RAB10: variants seen among roughly 807,000 people sequenced by gnomAD.
The protein encoded by RAB10 is RAB10, member RAS oncogene family, also known as ras-related protein Rab-10.
In RAB10, 5 loss-of-function variants were observed where a neutral mutation model predicts 25.7. The observed-to-expected ratio is 0.19, with a 90% confidence interval of 0.10 to 0.41. RAB10 has a LOEUF of 0.41. Ranked by LOEUF, RAB10 falls within the 10% of genes least tolerant of loss-of-function variation. The pLI is 1.00. For synonymous variants in RAB10, 89 were observed against 86.4 expected, an observed-to-expected ratio of 1.03 and a Z score of -0.16; for missense variants, 103 against 245.8, an observed-to-expected ratio of 0.42 and a Z score of 3.89.
intron 1 of RAB10, among the ~76,000 whole-genome samples, chr2:26,049,822 A>G (rs1024921984): frequency 1.3e-5 from 2 of 152,202 alleles, no homozygotes; most frequent in African/African-American, 2.4e-5. Flanking sequence ...GTAGCCTACT[A>G]TATTTCCTTT....
chr2:26,116,768 G>C (rs940431648), intron 3 of RAB10, among the ~76,000 whole-genome samples: 6 of 151,930 alleles, frequency 3.9e-5, no homozygotes, highest in African/African-American at 7.2e-5. Flanking sequence ...GTGTTAGCCA[G>C]GATGGTCTCG....
intron 1 of RAB10, among the ~76,000 whole-genome samples, chr2:26,080,763 G>A (rs1026480371): frequency 2.0e-5 from 3 of 152,074 alleles, no homozygotes; most frequent in Admixed American, 6.6e-5. Context: ...GCCTCCCAAA[G>A]CAATGGCATT....
upstream of RAB10, among the ~76,000 whole-genome samples, chr2:26,033,765 CCGGGGAG>C (rs958693151): frequency 6.1e-5 from 9 of 146,796 alleles, no homozygotes; most frequent in African/African-American, 1.2e-4. Context: ...TAAGGGTGTC[CCGGGGAG>C]CGGGGAGCGG....
At chr2:26,089,515 G>T (rs528156298) in intron 1 of RAB10, among the ~76,000 whole-genome samples, 4 of 152,060 alleles carry the variant, frequency 2.6e-5, no homozygotes, top group Admixed American at 6.6e-5. Context: ...TTCTCTGTTA[G>T]CCTCATTTTT....
intron 1 of RAB10, among the ~76,000 whole-genome samples, chr2:26,054,001 T>C (rs1047208501): frequency 2.7e-5 from 4 of 149,034 alleles, no homozygotes; most frequent in Non-Finnish European, 6.0e-5. Context: ...CACACCCGGC[T>C]TCTTTTTCTT....
At chr2:26,071,647 C>CA (rs1666628672) in intron 1 of RAB10, among the ~76,000 whole-genome samples, 1 of 151,120 alleles carries the variant, frequency 6.6e-6, no homozygotes, top group Non-Finnish European at 1.5e-5. Flanking sequence ...AAGATGGCAC[C>CA]ACTGCAACTC....
In RAB10 at chr2:26,090,933, C is replaced by G. The variant is rs567088633; in HGVS notation, c.128-7729C>G. On this transcript the variant is annotated intron_variant, in intron 1 of 5. Coordinates refer to ENST00000264710, the MANE Select transcript of RAB10 (RefSeq NM_016131.5). ...TGGGCAAAAGAGCGAGACCCTGTCT[C>G]CCCCCCCAAAAAAAAAAAAAAAAAT... 7.8e-3 allele frequency among the ~76,000 whole-genome samples: 556 copies of G among 71,736 alleles called. 4 individuals carry two copies. Among genetic ancestry groups the G allele is most frequent in the African/African-American group, 0.026 (532 of 20,702 alleles). 47.1% of individuals were successfully genotyped at this position (71,736 alleles called of 152,430 possible).
Position 26,034,202 on chromosome 2 carries a change from C to T in RAB10, c.-407C>T. ...TCGTCGACTTAGGGGTCCTTCTTCGCTGCCCTCGCCGCGTGCTAGCAGGGA... is the reference window on the plus strand; with the variant it reads ...TCGTCGACTTAGGGGTCCTTCTTCGTTGCCCTCGCCGCGTGCTAGCAGGGA... On this transcript the variant is annotated 5_prime_UTR_variant, in exon 1 of 6. Transcript: ENST00000264710. 1 of 429,678 alleles carries T rather than the reference C, an allele frequency of 2.3e-6. No individual in the cohort carries two copies. The highest frequency in any genetic ancestry group is 3.3e-5 in the East Asian group (1 of 30,056). The allele number at this position is 429,678 out of a possible 1,614,324, so 26.6% of individuals were successfully genotyped here.
intron 3 of RAB10, among the ~76,000 whole-genome samples, chr2:26,114,763 G>GGTAT (rs1217796869): frequency 1.4e-5 from 2 of 142,548 alleles, no homozygotes; most frequent in Non-Finnish European, 2.9e-5. Flanking sequence ...AAATTAGTCG[G>GGTAT]GTATGGTGGT....
At chr2:26,123,828 A>G (rs1212049332) in intron 3 of RAB10, among the ~76,000 whole-genome samples, 4 of 152,188 alleles carry the variant, frequency 2.6e-5, no homozygotes, top group Non-Finnish European at 5.9e-5. Context: ...GTATAGAAAT[A>G]TTTTTAAAGA....
In RAB10 at chr2:26,127,162, G is replaced by C. The variant is rs764370146; in HGVS notation, c.346G>C (p.Glu116Gln). ...ATTTTAGCATGCCAATGAAGATGTG[G>C]AAAGAATGTTACTAGGAAACAAGTG... ...NIDEHANEDV[E>Q]RMLLGNKCDM... is the part of the protein sequence containing the mutation. Residue 116 changes from glutamate (E) to glutamine (Q), a missense_variant, in exon 4 of 6, where the codon GAA (glutamate) becomes CAA (glutamine). By Grantham distance (29) the Glu-to-Gln change is conservative. This residue lies in a region of RAB10 where 79 missense variants were observed against 217.8 expected (regional missense o/e 0.36). Coordinates refer to ENST00000264710, the MANE Select transcript of RAB10 (RefSeq NM_016131.5). 4 of 1,599,006 alleles carry C rather than the reference G, an allele frequency of 2.5e-6. No homozygotes were observed. Among genetic ancestry groups the C allele is most frequent in the Non-Finnish European group, 3.4e-6 (4 of 1,176,182 alleles).
chr2:26,105,812 G>A (rs1365823431), intron 2 of RAB10, among the ~76,000 whole-genome samples: 4 of 151,932 alleles, frequency 2.6e-5, no homozygotes, highest in African/African-American at 7.3e-5. Context: ...TCTATGTTTT[G>A]ACATATTTAG....
At chr2:26,109,957 T>A (rs780843442) in intron 3 of RAB10, 51 bp downstream of exon 3, 33 of 1,446,984 alleles carry the variant, frequency 2.3e-5, no homozygotes, top group Non-Finnish European at 3.7e-6. Flanking sequence ...TTTGTGTGCT[T>A]GGTTAGGAAG....
intron 3 of RAB10, among the ~76,000 whole-genome samples, chr2:26,114,164 A>T (rs1461886064): frequency 3.9e-5 from 6 of 152,214 alleles, no homozygotes; most frequent in African/African-American, 1.4e-4. Flanking sequence ...AAAGTGATCT[A>T]CAGATTTAGT....
chr2:26,057,620 T>TTTCATTCATTCATTCATTCATTCATTCA (rs5741517), intron 1 of RAB10, among the ~76,000 whole-genome samples: 64,924 of 148,924 alleles, frequency 0.44, 14,908 homozygotes, highest in East Asian at 0.64. Flanking sequence ...GGCAAGTTTC[T>TTTCATTCATTCATTCATTCATTCATTCA]TTCATTCATT....
chr2:26,135,006 G>A lies in RAB10; in HGVS notation c.588G>A (p.Lys196=). The A allele has an allele frequency of 1.9e-6, 3 of 1,613,156 alleles. No homozygotes were observed. The highest frequency in any genetic ancestry group is 2.5e-6 in the Non-Finnish European group (3 of 1,179,234). The change falls in exon 6 of 6, where the codon AAG becomes AAA. Residue 196 remains lysine, a synonymous_variant. Transcript: ENST00000264710. ...GTGGAGGAGGCGTGACAGGCTGGAA[G>A]AGCAAATGCTGCTGAGCATTCTCCT... ...ISSGGGVTGW[K]SKCC
chr2:26,091,085 T>C (rs1667097616), intron 1 of RAB10, among the ~76,000 whole-genome samples: 1 of 152,186 alleles, frequency 6.6e-6, no homozygotes, highest in Non-Finnish European at 1.5e-5. Flanking sequence ...AGGGACTCTT[T>C]AATTTCTCCA....
intron 2 of RAB10, among the ~76,000 whole-genome samples, chr2:26,109,541 AAG>A (rs879876271): frequency 5.9e-5 from 9 of 152,220 alleles, no homozygotes; most frequent in Non-Finnish European, 1.2e-4. Context: ...ATGAAATTTT[AAG>A]AGTTTCTATG....
At position 26,135,203 on chromosome 2, in the gene RAB10, T is replaced by C. The variant is rs983306259; in HGVS notation, c.*182T>C. 3 of 506,946 alleles carry C rather than the reference T, an allele frequency of 5.9e-6. No homozygotes were observed. Among genetic ancestry groups the C allele is most frequent in the African/African-American group, 5.9e-5 (3 of 50,888 alleles). The allele number at this position is 506,946 out of a possible 1,614,324, so 31.4% of individuals were successfully genotyped here. A position where few individuals can be genotyped will look rare whatever the true frequency, so the allele number is the denominator to read the frequency against. On this transcript the variant is annotated 3_prime_UTR_variant, in exon 6 of 6. Transcript: ENST00000264710. Reference sequence around the variant, plus strand: ...GCTTGCTGACTTTATCATAATTTTCTTCAAACAAAAAAATGTATAGAAAAA... The same window carrying C: ...GCTTGCTGACTTTATCATAATTTTCCTCAAACAAAAAAATGTATAGAAAAA...
Sources: gnomAD v4.1 joint callset for allele counts (sites outside exome capture counted in the v4.1 genomes callset) on GRCh38, gnomAD v4.1.1 for gene constraint, gnomAD v4.1.1 regional missense constraint, MANE v1.5 for transcripts, NCBI Gene and HGNC (gene_info 2026-07-23, HGNC 2026-07-21) for gene names.